Variants in RAD51B observed in about 807,000 individuals in gnomAD.
The protein encoded by RAD51B is RAD51 paralog B.
RAD51B carries 38 observed loss-of-function variants against 42.2 expected under a neutral mutation model. That is an observed-to-expected ratio of 0.90 (90% CI 0.70 to 1.18). The LOEUF (loss-of-function observed/expected upper bound fraction) is 1.18. Ranked by LOEUF, RAD51B falls within the 50% of genes most tolerant of loss-of-function variation. The probability of loss-of-function intolerance (pLI) is 0.00; values close to 1 mark genes in which losing one functional copy is unlikely to be tolerated. For missense variants in RAD51B, 373 were observed against 400.7 expected, an observed-to-expected ratio of 0.93 and a Z score of 0.59; for synonymous variants, 154 against 145.2, an observed-to-expected ratio of 1.06 and a Z score of -0.43.
chr14:68,376,894 T>A (rs2083381085), intron 8 of RAD51B, among the ~76,000 whole-genome samples: 2 of 152,244 alleles, frequency 1.3e-5, no homozygotes, highest in African/African-American at 4.8e-5. Context: ...AACTGAAGGG[T>A]CATAATGCTT....
chr14:67,997,230 A>G (rs2075400287), intron 7 of RAD51B, among the ~76,000 whole-genome samples: 2 of 152,230 alleles, frequency 1.3e-5, no homozygotes, highest in South Asian at 4.1e-4. Context: ...AATCCCCAAG[A>G]GAATGAATAG....
intron 10 of RAD51B, among the ~76,000 whole-genome samples, chr14:68,518,554 G>GCCCCCCCCCCCCCGCCCC (rs11341781): frequency 7.3e-6 from 1 of 137,360 alleles, no homozygotes; most frequent in Non-Finnish European, 1.6e-5. Flanking sequence ...GGTCATATGA[G>GCCCCCCCCCCCCCGCCCC]CCCCCCCCCC....
At position 68,088,357 on chromosome 14, in the gene RAD51B, A is replaced by G. The variant is rs142154972; in HGVS notation, c.756+201153A>G. Among the ~76,000 whole-genome samples, 452 of 152,054 alleles carry G rather than the reference A, an allele frequency of 3.0e-3. 2 individuals are homozygous for G. The highest frequency in any genetic ancestry group is 0.01 in the African/African-American group (433 of 41,494). Reference sequence around the variant, plus strand: ...CTTACTTACTTTTTTACCGTGACCAATTTGGATCGCTGTCATTTTCCATGA... The same window carrying G: ...CTTACTTACTTTTTTACCGTGACCAGTTTGGATCGCTGTCATTTTCCATGA... On this transcript the variant is annotated intron_variant, in intron 7 of 10. Coordinates refer to ENST00000471583, the MANE Select transcript of RAD51B (RefSeq NM_133510.4).
chr14:68,216,219 T>C (rs2079811189), intron 7 of RAD51B, among the ~76,000 whole-genome samples: 1 of 152,232 alleles, frequency 6.6e-6, no homozygotes, highest in Non-Finnish European at 1.5e-5. Context: ...AGAGGGACTT[T>C]AAGTGAGTTA....
chr14:68,632,980 T>C (rs1438382948), intron 10 of RAD51B, among the ~76,000 whole-genome samples: 1 of 87,596 alleles, frequency 1.1e-5, no homozygotes, highest in East Asian at 3.5e-4. Flanking sequence ...TTTTTTTTTT[T>C]TTTTTTTTTT....
intron 4 of RAD51B, among the ~76,000 whole-genome samples, chr14:67,847,146 C>T (rs1223077430): frequency 2.6e-5 from 4 of 152,096 alleles, no homozygotes; most frequent in Non-Finnish European, 5.9e-5. Context: ...TATATCCTCC[C>T]TCCATCCATT....
At chr14:68,578,744 C>T (rs1270482670) in intron 10 of RAD51B, among the ~76,000 whole-genome samples, 3 of 152,236 alleles carry the variant, frequency 2.0e-5, no homozygotes, top group Admixed American at 1.3e-4. Context: ...GTGGTCTGGA[C>T]TCAGGTACCC....
chr14:67,894,116 T>G (rs1335847656), intron 7 of RAD51B, among the ~76,000 whole-genome samples: 2 of 152,234 alleles, frequency 1.3e-5, no homozygotes, highest in Non-Finnish European at 2.9e-5. Flanking sequence ...TAACAATATC[T>G]GACTCATAGG....
chr14:68,149,948 CT>C (rs879336611), intron 7 of RAD51B: 280 of 145,444 alleles, frequency 1.9e-3, no homozygotes, highest in Non-Finnish European at 1.8e-3. Flanking sequence ...AAGTTGAAGA[CT>C]TTTTTTTTTT....
chr14:68,489,497 C>T (rs1432347311), intron 10 of RAD51B, among the ~76,000 whole-genome samples: 1 of 152,218 alleles, frequency 6.6e-6, no homozygotes, highest in African/African-American at 2.4e-5. Flanking sequence ...TAGCTAGTAT[C>T]ATGAAATCTC....
chr14:68,567,422 C>T (rs141192859), intron 10 of RAD51B, among the ~76,000 whole-genome samples: 16 of 152,358 alleles, frequency 1.1e-4, no homozygotes, highest in African/African-American at 2.9e-4. Context: ...GCCTTTTCCT[C>T]TCTCAACATC....
intron 10 of RAD51B, chr14:68,470,604 G>T (rs1347571720): frequency 3.9e-6 from 2 of 508,102 alleles, no homozygotes; most frequent in African/African-American, 1.9e-5. Flanking sequence ...TGAAATTGAT[G>T]AATCACAACC....
intron 8 of RAD51B, among the ~76,000 whole-genome samples, chr14:68,347,073 A>G (rs2082691294): frequency 1.3e-5 from 2 of 151,520 alleles, no homozygotes; most frequent in South Asian, 4.2e-4. Context: ...CTTCCCTTCC[A>G]TGTCTATAAT....
At chr14:68,539,037 A>G (rs1247566257) in intron 10 of RAD51B, among the ~76,000 whole-genome samples, 1 of 152,152 alleles carries the variant, frequency 6.6e-6, no homozygotes, top group Non-Finnish European at 1.5e-5. Context: ...TTTCTCCATT[A>G]GCTAAGTGTA....
At chr14:68,663,310 AAGAGAG>A (rs3077379) in intron 11 of RAD51B, among the ~76,000 whole-genome samples, 39 of 148,696 alleles carry the variant, frequency 2.6e-4, no homozygotes, top group East Asian at 1.2e-3. Context: ...CTCAAAAACA[AAGAGAG>A]AGAGAGAGAG....
downstream of RAD51B, among the ~76,000 whole-genome samples, chr14:68,613,457 T>TC (rs1445199315): frequency 2.5e-5 from 3 of 120,766 alleles, no homozygotes; most frequent in African/African-American, 9.9e-5. Flanking sequence ...GTTCTTTTTT[T>TC]CTTTTTTTTT....
intron 7 of RAD51B, among the ~76,000 whole-genome samples, chr14:67,905,367 T>G (rs1420703022): frequency 6.6e-6 from 1 of 152,120 alleles, no homozygotes; most frequent in East Asian, 1.9e-4. Context: ...CTTCTGGCTG[T>G]GTTATAATAT....
intron 10 of RAD51B, chr14:68,540,314 G>A (rs577421070): frequency 2.9e-6 from 3 of 1,045,460 alleles, no homozygotes; most frequent in African/African-American, 3.3e-5. Flanking sequence ...CCACAACACT[G>A]TTGGATCATC....
intron 7 of RAD51B, among the ~76,000 whole-genome samples, chr14:67,891,600 A>G (rs187466277): frequency 2.7e-4 from 41 of 152,116 alleles, no homozygotes; most frequent in African/African-American, 8.2e-4. Flanking sequence ...GACAAGCACA[A>G]ATTTTTTTTT....
Sources: gnomAD v4.1 joint callset for allele counts (sites outside exome capture counted in the v4.1 genomes callset) on GRCh38, gnomAD v4.1.1 for gene constraint, MANE v1.5 for transcripts, NCBI Gene and HGNC (gene_info 2026-07-23, HGNC 2026-07-21) for gene names.